TMEM170B: variants seen among roughly 807,000 people sequenced by gnomAD.
TMEM170B encodes the protein transmembrane protein 170B.
In TMEM170B, 6 loss-of-function variants were observed where a neutral mutation model predicts 13.0. The ratio of observed to expected loss-of-function variants is 0.46; its 90% CI spans 0.25 to 0.91. The LOEUF is 0.91. Ranked by LOEUF, TMEM170B falls within the 40% of genes least tolerant of loss-of-function variation. The pLI is 0.17. For synonymous variants in TMEM170B, 61 were observed against 64.9 expected (o/e 0.94, Z 0.29); for missense variants, 138 against 165.2 (o/e 0.84, Z 0.90).
intron 1 of TMEM170B, among the ~76,000 whole-genome samples, chr6:11,565,417 C>T (rs75096156): frequency 0.039 from 5,953 of 152,108 alleles, 143 homozygotes; most frequent in African/African-American, 0.055. Flanking sequence ...GTAATAGGGG[C>T]ATTTAGAAGA....
At chr6:11,550,612 C>T (rs1297861949) in intron 1 of TMEM170B, among the ~76,000 whole-genome samples, 1 of 152,140 alleles carries the variant, frequency 6.6e-6, no homozygotes, top group East Asian at 1.9e-4. Flanking sequence ...TAGTAGTTAA[C>T]ATTTCTTTAA....
intron 1 of TMEM170B, among the ~76,000 whole-genome samples, chr6:11,545,264 T>TTC (rs368272768): frequency 0.017 from 2,156 of 127,884 alleles, 53 homozygotes; most frequent in African/African-American, 0.05. Context: ...GTTAAAAGGC[T>TTC]TCTCTCTCTC....
At chr6:11,563,049 G>A (rs895462908) in intron 1 of TMEM170B, among the ~76,000 whole-genome samples, 5 of 151,858 alleles carry the variant, frequency 3.3e-5, no homozygotes, top group African/African-American at 7.3e-5. Context: ...AAGCATACTC[G>A]CTGTTGACTG....
At chr6:11,572,379 C>T (rs960629320) in intron 2 of TMEM170B, among the ~76,000 whole-genome samples, 6 of 152,046 alleles carry the variant, frequency 3.9e-5, no homozygotes, top group Non-Finnish European at 5.9e-5. Flanking sequence ...ATAGTTATTT[C>T]CTACTATATT....
intron 1 of TMEM170B, among the ~76,000 whole-genome samples, chr6:11,548,499 A>C (rs1419924290): frequency 1.3e-5 from 2 of 151,492 alleles, no homozygotes; most frequent in African/African-American, 4.8e-5. Context: ...TAGTTCAACC[A>C]TTGTGGAAAA....
rs554341329 is a variant in TMEM170B, at chr6:11,577,008, A to G, written c.*1447A>G. 2 of 152,248 alleles carry G rather than the reference A, an allele frequency of 1.3e-5. No individual in the cohort carries two copies. The highest frequency in any genetic ancestry group is 2.9e-5 in the Non-Finnish European group (2 of 67,960). The allele number at this position is 152,248 out of a possible 1,614,324, so 9.4% of individuals were successfully genotyped here. On this transcript the variant is annotated 3_prime_UTR_variant, in exon 3 of 3. Coordinates refer to ENST00000379426, the MANE Select transcript of TMEM170B (RefSeq NM_001100829.3). Reference sequence around the variant, plus strand: ...AGATACAATTATAATGTGCTAACTCAAAGGAGACATTGCAGAGAATATGAA... The same window carrying G: ...AGATACAATTATAATGTGCTAACTCGAAGGAGACATTGCAGAGAATATGAA...
At chr6:11,563,060 G>C (rs192814451) in intron 1 of TMEM170B, among the ~76,000 whole-genome samples, 317 of 152,242 alleles carry the variant, frequency 2.1e-3, no homozygotes, top group African/African-American at 7.1e-3. Flanking sequence ...CTGTTGACTG[G>C]GGGCAGTGGC....
chr6:11,565,560 G>A lies in TMEM170B; in HGVS notation c.98-106G>A, dbSNP rs558876750. ...GGCACTGTGTGAAGCATTTTTCTAT[G>A]TATTATGTCATTTAACCTCCCAAAC... On this transcript the variant is annotated intron_variant, in intron 1 of 2. Transcript: ENST00000379426. 4.3e-6 allele frequency: 5 copies of A among 1,164,902 alleles called. No homozygotes were observed. The African/African-American group carries it at 7.6e-5, about 18-fold the overall frequency. 72.2% of individuals were successfully genotyped at this position (1,164,902 alleles called of 1,614,324 possible).
chr6:11,576,935 T>C lies in TMEM170B; in HGVS notation c.*1374T>C, dbSNP rs1246611240. The C allele has an allele frequency of 6.6e-6, 1 of 152,088 alleles. No homozygotes were observed. Among genetic ancestry groups the C allele is most frequent in the Non-Finnish European group, 1.5e-5 (1 of 67,966 alleles). 9.4% of individuals were successfully genotyped at this position (152,088 alleles called of 1,614,324 possible). A position where few individuals can be genotyped will look rare whatever the true frequency, so the allele number is the denominator to read the frequency against. On this transcript the variant is annotated 3_prime_UTR_variant, in exon 3 of 3. Transcript: ENST00000379426. Reference sequence around the variant, plus strand: ...CTGGCAATACGTAATTGTAAGAGTATAGGAAGTAGGGTTGAACTGGTCTCC... The same window carrying C: ...CTGGCAATACGTAATTGTAAGAGTACAGGAAGTAGGGTTGAACTGGTCTCC...
At position 11,580,635 on chromosome 6, in the gene TMEM170B, A is replaced by T. The variant is rs1365635465; in HGVS notation, c.*5074A>T. 1 of 152,222 alleles carries T rather than the reference A, an allele frequency of 6.6e-6. No homozygotes were observed. The highest frequency in any genetic ancestry group is 1.5e-5 in the Non-Finnish European group (1 of 68,034). The allele number at this position is 152,222 out of a possible 1,614,324, so 9.4% of individuals were successfully genotyped here. A position where few individuals can be genotyped will look rare whatever the true frequency, so the allele number is the denominator to read the frequency against. On this transcript the variant is annotated 3_prime_UTR_variant, in exon 3 of 3. Transcript: ENST00000379426. ...AATTGTTAAAACGGACCAATAATCA[A>T]ATGGTTTTATAATCTTTCTTAACTT...
rs1049495488 is a variant in TMEM170B at position 11,575,256 on chromosome 6, G to A, written c.269-175G>A. ...TCAAATAAGTGGCTAAGTGTATTAT[G>A]GTAAGTTGTAACTTTCACCAATCAC... On this transcript the variant is annotated intron_variant, in intron 2 of 2. Transcript: ENST00000379426. The surrounding 1 kb of genome is among the most constrained non-coding windows in gnomAD (Gnocchi z 4.1). Among the ~76,000 whole-genome samples the A allele has an allele frequency of 6.6e-6, 1 of 151,932 alleles. No individual in the cohort carries two copies. The highest frequency in any genetic ancestry group is 2.4e-5 in the African/African-American group (1 of 41,350).
intron 2 of TMEM170B, among the ~76,000 whole-genome samples, chr6:11,567,090 C>T (rs1759743400): frequency 6.6e-6 from 1 of 152,224 alleles, no homozygotes; most frequent in Non-Finnish European, 1.5e-5. Flanking sequence ...GGTCACCTGA[C>T]ATTCCTGGTG....
chr6:11,553,408 A>G (rs1480669667), intron 1 of TMEM170B, among the ~76,000 whole-genome samples: 1 of 152,204 alleles, frequency 6.6e-6, no homozygotes, highest in Non-Finnish European at 1.5e-5. Flanking sequence ...GTGAGCAGCT[A>G]TTGGAATTTC....
intron 1 of TMEM170B, among the ~76,000 whole-genome samples, chr6:11,545,264 T>TTCTCTC (rs368272768): frequency 0.06 from 7,584 of 127,390 alleles, 211 homozygotes; most frequent in East Asian, 0.17. Flanking sequence ...GTTAAAAGGC[T>TTCTCTC]TCTCTCTCTC....
chr6:11,543,105 G>C (rs1759384638), intron 1 of TMEM170B, among the ~76,000 whole-genome samples: 1 of 151,968 alleles, frequency 6.6e-6, no homozygotes, highest in Admixed American at 6.6e-5. Context: ...TCTGCTCTTT[G>C]TACATATTTT....
chr6:11,569,514 G>A (rs573082), intron 2 of TMEM170B, among the ~76,000 whole-genome samples: 32,090 of 152,022 alleles, frequency 0.21, 4,074 homozygotes, highest in South Asian at 0.45. Flanking sequence ...TTTAGATTTC[G>A]CAGGCTAGTG....
chr6:11,575,673 G>T lies in TMEM170B; in HGVS notation c.*112G>T. 1.5e-6 allele frequency: 2 copies of T among 1,355,322 alleles called. No individual in the cohort carries two copies. The highest frequency in any genetic ancestry group is 1.3e-5 in the South Asian group (1 of 78,782). The allele number at this position is 1,355,322 out of a possible 1,614,324, so 84.0% of individuals were successfully genotyped here. Reference sequence around the variant, plus strand: ...TTGTGCAAGAATGTGGACTGAGCAGGTCAAAGCATAAGGAAGACCTTGAGC... The same window carrying T: ...TTGTGCAAGAATGTGGACTGAGCAGTTCAAAGCATAAGGAAGACCTTGAGC... On this transcript the variant is annotated 3_prime_UTR_variant, in exon 3 of 3. Transcript: ENST00000379426. The surrounding 1 kb of genome is among the most constrained non-coding windows in gnomAD (Gnocchi z 4.1).
Position 11,575,297 on chromosome 6 carries a change from T to A in TMEM170B, c.269-134T>A. 5 of 1,251,194 alleles carry A rather than the reference T, an allele frequency of 4.0e-6. No individual in the cohort carries two copies. Among genetic ancestry groups the A allele is most frequent in the Non-Finnish European group, 5.5e-6 (5 of 905,282 alleles). The allele number at this position is 1,251,194 out of a possible 1,614,324, so 77.5% of individuals were successfully genotyped here. On this transcript the variant is annotated intron_variant, in intron 2 of 2. Coordinates refer to ENST00000379426, the MANE Select transcript of TMEM170B (RefSeq NM_001100829.3). This position sits in a 1 kb window ranked among gnomAD's most constrained non-coding sequence, Gnocchi z 4.1. ...CACCAATCACAGGGAAACTTTTTCATAGAAAGTGGATAAAATGAGAAAAAA... is the reference window on the plus strand; with the variant it reads ...CACCAATCACAGGGAAACTTTTTCAAAGAAAGTGGATAAAATGAGAAAAAA...
chr6:11,538,519 A>C, intron 1 of TMEM170B, 145 bp downstream of exon 1: 3 of 620,766 alleles, frequency 4.8e-6, no homozygotes, highest in South Asian at 2.1e-5. Context: ...GAAGGTGTTA[A>C]TCGGAGCCAC....
Sources: allele counts gnomAD v4.1 joint callset (sites outside exome capture counted in the v4.1 genomes callset), GRCh38; gene constraint gnomAD v4.1.1; non-coding constraint Gnocchi (gnomAD v3.1); transcripts MANE v1.5; gene names NCBI Gene and HGNC (gene_info 2026-07-23, HGNC 2026-07-21).